ZNF536: variants seen among roughly 807,000 people sequenced by gnomAD.
The protein encoded by ZNF536 is zinc finger protein 536.
Under a neutral mutation model 84.5 loss-of-function variants are expected in ZNF536, and 13 were observed. That is an observed-to-expected ratio of 0.15 (90% confidence interval 0.10 to 0.24). ZNF536 has a LOEUF of 0.24. Among genes scored for constraint, ZNF536 ranks in the 10% least tolerant of loss-of-function variants. The probability of loss-of-function intolerance (pLI) is 1.00; values close to 1 mark genes in which losing one functional copy is unlikely to be tolerated. For missense variants in ZNF536, 1,536 were observed against 1,747.5 expected (o/e 0.88, Z 2.16); for synonymous variants, 811 against 742.5 (o/e 1.09, Z -1.50).
chr19:30,363,644 G>A (rs1463513858), intron 3 of ZNF536, among the ~76,000 whole-genome samples: 9 of 152,048 alleles, frequency 5.9e-5, no homozygotes, highest in African/African-American at 9.7e-5. Flanking sequence ...ATTCTCAGGC[G>A]AGATGGAGAG....
intron 1 of ZNF536, among the ~76,000 whole-genome samples, chr19:30,708,921 T>G (rs546803741): frequency 1.3e-4 from 20 of 152,296 alleles, no homozygotes; most frequent in African/African-American, 4.8e-4. Flanking sequence ...GTGATGGGGC[T>G]CTCCATTTAT....
At position 30,271,294 on chromosome 19, in the gene ZNF536, C is replaced by CTTTTTTT. The variant is rs879683203; in HGVS notation, c.-189-12774_-189-12773insTTTTTTT. On this transcript the variant is annotated intron_variant, in intron 1 of 5. Coordinates refer to the ZNF536 transcript ENST00000585628. ...CTGGAAGCTTTCCCTGTGTTTTTTT[C>CTTTTTTT]TTTTCTTTTTTTTTTTTTTTTTTTT... Among the ~76,000 whole-genome samples, 11 of 103,188 alleles carry CTTTTTTT rather than the reference C, an allele frequency of 1.1e-4. 1 individual carries two copies. Among genetic ancestry groups the CTTTTTTT allele is most frequent in the East Asian group, 5.9e-4 (2 of 3,408 alleles). 67.7% of individuals were successfully genotyped at this position (103,188 alleles called of 152,430 possible).
At chr19:30,448,265 TG>T (rs954363852) in intron 2 of ZNF536, among the ~76,000 whole-genome samples, 34 of 152,230 alleles carry the variant, frequency 2.2e-4, no homozygotes, top group African/African-American at 8.2e-4. Context: ...GCTGTGCGTC[TG>T]GGGCATTCAG....
intron 2 of ZNF536, among the ~76,000 whole-genome samples, chr19:30,337,203 G>T (rs971631944): frequency 5.9e-5 from 9 of 152,150 alleles, no homozygotes; most frequent in Non-Finnish European, 1.2e-4. Flanking sequence ...GGCTCTCAGG[G>T]CTAGGAAAGC....
chr19:30,560,322 C>T (rs1271921195), downstream of ZNF536, among the ~76,000 whole-genome samples: 2 of 151,830 alleles, frequency 1.3e-5, no homozygotes, highest in South Asian at 2.1e-4. Context: ...AACAAGCCCA[C>T]CTCCCCCATA....
chr19:30,627,918 G>A (rs1326015085), intron 1 of ZNF536, among the ~76,000 whole-genome samples: 1 of 152,170 alleles, frequency 6.6e-6, no homozygotes, highest in African/African-American at 2.4e-5. Flanking sequence ...CGGCCTCCCA[G>A]GGCTGGGTGG....
chr19:30,477,345 T>C (rs2053892192), intron 2 of ZNF536, among the ~76,000 whole-genome samples: 1 of 152,314 alleles, frequency 6.6e-6, no homozygotes, highest in African/African-American at 2.4e-5. Flanking sequence ...GAGTAGCTCA[T>C]GATACAGGAA....
intron 1 of ZNF536, among the ~76,000 whole-genome samples, chr19:30,429,925 G>A (rs1325462170): frequency 6.6e-6 from 1 of 152,132 alleles, no homozygotes; most frequent in Non-Finnish European, 1.5e-5. Flanking sequence ...GCAAAGCATT[G>A]GGTTTCAGTC....
chr19:30,443,447 G>T, intron 1 of ZNF536, 114 bp from the exon 2 acceptor site: 1 of 1,383,444 alleles, frequency 7.2e-7, no homozygotes, highest in Non-Finnish European at 9.5e-7. Flanking sequence ...GAATTCCTTA[G>T]CATGATTATG....
chr19:30,594,784 A>G (rs2047398450), intron 1 of ZNF536, among the ~76,000 whole-genome samples: 1 of 151,800 alleles, frequency 6.6e-6, no homozygotes, highest in Non-Finnish European at 1.5e-5. Flanking sequence ...CCTGCATTCC[A>G]TTTAGTGACA....
chr19:30,413,616 G>A (rs2050587415), intron 1 of ZNF536, among the ~76,000 whole-genome samples: 1 of 152,088 alleles, frequency 6.6e-6, no homozygotes, highest in African/African-American at 2.4e-5. Flanking sequence ...TATTTTTAAA[G>A]TCTAATTTCC....
At chr19:30,483,520 A>G (rs1051315266) in intron 2 of ZNF536, among the ~76,000 whole-genome samples, 18 of 111,214 alleles carry the variant, frequency 1.6e-4, no homozygotes, top group Admixed American at 1.5e-4. Flanking sequence ...CAGAACACCC[A>G]GGGCATGGTC....
At chr19:30,242,009 C>A (rs773337068) in intron 1 of ZNF536, among the ~76,000 whole-genome samples, 11 of 151,920 alleles carry the variant, frequency 7.2e-5, no homozygotes, top group Non-Finnish European at 1.6e-4. Context: ...TCTTTCTTTG[C>A]ATGGGGAAGG....
At chr19:30,420,552 G>T (rs1221844287) in intron 1 of ZNF536, among the ~76,000 whole-genome samples, 1 of 152,162 alleles carries the variant, frequency 6.6e-6, no homozygotes, top group Non-Finnish European at 1.5e-5. Context: ...CTTCTTGTGT[G>T]TTAATTACAA....
intron 2 of ZNF536, among the ~76,000 whole-genome samples, chr19:30,301,834 G>GAA (rs34062386): frequency 2.3e-4 from 33 of 144,512 alleles, no homozygotes; most frequent in East Asian, 1.0e-3. Flanking sequence ...GTATGATGCT[G>GAA]AAAAAAAAAA....
chr19:30,653,289 G>A (rs943151233), intron 1 of ZNF536, among the ~76,000 whole-genome samples: 11 of 152,146 alleles, frequency 7.2e-5, no homozygotes, highest in African/African-American at 2.4e-4. Context: ...CTGATCCAGA[G>A]ACCACACATT....
intron 2 of ZNF536, among the ~76,000 whole-genome samples, chr19:30,325,901 C>G (rs1483157802): frequency 6.6e-6 from 1 of 152,204 alleles, no homozygotes; most frequent in Non-Finnish European, 1.5e-5. Context: ...TCTCCTCTAA[C>G]TGTGACGGGA....
intron 1 of ZNF536, among the ~76,000 whole-genome samples, chr19:30,653,547 G>A (rs775649778): frequency 1.3e-5 from 2 of 152,208 alleles, no homozygotes; most frequent in Admixed American, 6.5e-5. Context: ...ACAAATCCAG[G>A]CTTTCAGGTT....
At chr19:30,583,280 T>C (rs2046986862) in intron 1 of ZNF536, among the ~76,000 whole-genome samples, 1 of 152,182 alleles carries the variant, frequency 6.6e-6, no homozygotes, top group African/African-American at 2.4e-5. Context: ...AACAGGGCCA[T>C]GCTGTGTGAT....
Sources: gnomAD v4.1 joint callset for allele counts (sites outside exome capture counted in the v4.1 genomes callset) on GRCh38, gnomAD v4.1.1 for gene constraint, MANE v1.5 for transcripts, NCBI Gene and HGNC (gene_info 2026-07-23, HGNC 2026-07-21) for gene names.